HEATR3: variants seen among roughly 807,000 people sequenced by gnomAD.
HEATR3 encodes the protein HEAT repeat-containing protein 3.
Under a neutral mutation model 72.8 loss-of-function variants are expected in HEATR3, and 56 were observed. That is an observed-to-expected ratio of 0.77 (90% CI 0.62 to 0.96). The LOEUF is 0.96. HEATR3 is among the 40% of genes least tolerant of loss of function. The pLI is 0.00. For synonymous variants in HEATR3, 331 were observed against 318.1 expected (o/e 1.04, Z -0.43); for missense variants, 747 against 831.4 (o/e 0.90, Z 1.25).
At chr16:50,095,677 G>A (rs764336036) in intron 12 of HEATR3, among the ~76,000 whole-genome samples, 10 of 151,942 alleles carry the variant, frequency 6.6e-5, no homozygotes, top group Non-Finnish European at 1.3e-4. Context: ...ACAGGTGTGC[G>A]CTACCATGTC....
intron 7 of HEATR3, among the ~76,000 whole-genome samples, chr16:50,081,511 G>A (rs1352733141): frequency 6.6e-6 from 1 of 152,226 alleles, no homozygotes; most frequent in East Asian, 1.9e-4. Context: ...GGGCGGTGGT[G>A]GGGCGGGGGG....
In HEATR3 at chr16:50,106,681, T is replaced by A. The variant is rs1182917036; in HGVS notation, c.*1620T>A. 1.3e-5 allele frequency: 2 copies of A among 152,178 alleles called. No individual in the cohort carries two copies. The highest frequency in any genetic ancestry group is 1.3e-4 in the Admixed American group (2 of 15,262). 9.4% of individuals were successfully genotyped at this position (152,178 alleles called of 1,614,324 possible). A position where few individuals can be genotyped will look rare whatever the true frequency, so the allele number is the denominator to read the frequency against. ...ATGAGAAGGGAAATTTGAAAATTTC[T>A]GTACAGTTGATCTCAGTTGCCCTGA... On this transcript the variant is annotated 3_prime_UTR_variant, in exon 15 of 15. Coordinates refer to ENST00000299192, the MANE Select transcript of HEATR3 (RefSeq NM_182922.4).
chr16:50,097,767 T>C (rs2037275417), intron 12 of HEATR3, among the ~76,000 whole-genome samples: 1 of 152,004 alleles, frequency 6.6e-6, no homozygotes, highest in Non-Finnish European at 1.5e-5. Flanking sequence ...ATTCAAAAAT[T>C]AGCTGGGTGT....
At chr16:50,095,427 A>T (rs1327967003) in intron 12 of HEATR3, among the ~76,000 whole-genome samples, 14 of 125,014 alleles carry the variant, frequency 1.1e-4, no homozygotes, top group Non-Finnish European at 2.3e-4. Flanking sequence ...TTTTTTTTTT[A>T]ACATTTCATT....
At position 50,084,552 on chromosome 16, in the gene HEATR3, G is replaced by A; in HGVS notation, c.1291-17G>A. The A allele has an allele frequency of 1.3e-6, 2 of 1,574,552 alleles. No individual in the cohort carries two copies. The highest frequency in any genetic ancestry group is 1.7e-5 in the Admixed American group (1 of 59,184). ...ACTACTCTTTAACCTTTGCTTTACT[G>A]CCTCTTTTAAATCTAGATTTTTGAG... On this transcript the variant is annotated splice_polypyrimidine_tract_variant and intron_variant, in intron 9 of 14. Transcript: ENST00000299192.
Position 50,102,298 on chromosome 16 carries a change from C to G in HEATR3, c.1783C>G (p.Pro595Ala), listed in dbSNP as rs374066132. ...CFLLEVTTKD[P>A]SLVVAGEALD... ...TCTGCTTGAAGTTACCACCAAAGATCCTTCCCTTGTGGTAGCAGGAGAAGC... is the reference window on the plus strand; with the variant it reads ...TCTGCTTGAAGTTACCACCAAAGATGCTTCCCTTGTGGTAGCAGGAGAAGC... The change falls in exon 14 of 15, where the codon CCT (proline) becomes GCT (alanine). Residue 595 changes from proline (P) to alanine (A), a missense_variant. Pro to Ala is a conservative substitution (Grantham distance 27). This residue lies in a region of HEATR3 where 586 missense variants were observed against 708.8 expected (regional missense o/e 0.83). Transcript: ENST00000299192. 1 of 1,614,010 alleles carries G rather than the reference C, an allele frequency of 6.2e-7. No individual in the cohort carries two copies. The highest frequency in any genetic ancestry group is 1.1e-5 in the South Asian group (1 of 91,060).
intron 5 of HEATR3, chr16:50,073,488 A>G (rs548679275): frequency 6.6e-6 from 1 of 152,328 alleles, no homozygotes; most frequent in Admixed American, 6.5e-5. Flanking sequence ...ACTCTAATGG[A>G]TATTTTTAAG....
chr16:50,072,982 AGCCTTTATT>A, intron 5 of HEATR3: 1 of 340,816 alleles, frequency 2.9e-6, no homozygotes, highest in East Asian at 6.9e-5. Context: ...CATTCTTAGC[AGCCTTTATT>A]AATTCTTGAA....
At chr16:50,088,371 C>A (rs919237754) in intron 11 of HEATR3, among the ~76,000 whole-genome samples, 16 of 152,150 alleles carry the variant, frequency 1.1e-4, no homozygotes, top group Non-Finnish European at 1.6e-4. Flanking sequence ...CAACATTGAT[C>A]AGTTAACAGG....
Position 50,105,640 on chromosome 16 carries a change from A to T in HEATR3, c.*579A>T, listed in dbSNP as rs1216065712. The T allele has an allele frequency of 6.6e-6, 1 of 151,984 alleles. No individual in the cohort carries two copies. Among genetic ancestry groups the T allele is most frequent in the East Asian group, 1.9e-4 (1 of 5,158 alleles). 9.4% of individuals were successfully genotyped at this position (151,984 alleles called of 1,614,324 possible). On this transcript the variant is annotated 3_prime_UTR_variant, in exon 15 of 15. Transcript: ENST00000299192. Reference sequence around the variant, plus strand: ...ATCTTGGCTTACTGCAACCTCTGCCATTCCAGGTTCAAGCGATTCTCATGC... The same window carrying T: ...ATCTTGGCTTACTGCAACCTCTGCCTTTCCAGGTTCAAGCGATTCTCATGC...
At chr16:50,079,203 A>T (rs1220323023) in intron 7 of HEATR3, among the ~76,000 whole-genome samples, 185 bp downstream of exon 7, 1 of 152,172 alleles carries the variant, frequency 6.6e-6, no homozygotes, top group African/African-American at 2.4e-5. Flanking sequence ...GGGGGAAAAA[A>T]ATCTCTTGTC....
chr16:50,087,987 C>T (rs1354154623), intron 11 of HEATR3, among the ~76,000 whole-genome samples: 3 of 151,978 alleles, frequency 2.0e-5, no homozygotes, highest in Non-Finnish European at 4.4e-5. Context: ...ATTAGCCAGG[C>T]GTGGTGGCAG....
rs992262203 is a variant in HEATR3 at position 50,106,613 on chromosome 16, G to A, written c.*1552G>A. Reference sequence around the variant, plus strand: ...GAGTTTCCCTGTGCATCATTGTCTCGGCTGGGCCTCTGAACCGGCTTCATT... The same window carrying A: ...GAGTTTCCCTGTGCATCATTGTCTCAGCTGGGCCTCTGAACCGGCTTCATT... On this transcript the variant is annotated 3_prime_UTR_variant, in exon 15 of 15. Coordinates refer to ENST00000299192, the MANE Select transcript of HEATR3 (RefSeq NM_182922.4). 5 of 152,052 alleles carry A rather than the reference G, an allele frequency of 3.3e-5. No homozygotes were observed. The East Asian group carries it at 9.6e-4, about 29-fold the overall frequency. 9.4% of individuals were successfully genotyped at this position (152,052 alleles called of 1,614,324 possible).
At chr16:50,095,153 G>A (rs1224672838) in intron 12 of HEATR3, among the ~76,000 whole-genome samples, 9 of 149,208 alleles carry the variant, frequency 6.0e-5, no homozygotes, top group Admixed American at 2.0e-4. Context: ...TTCCTCTGTC[G>A]CCCAGGCTGG....
chr16:50,075,313 C>CA (rs60094512), intron 5 of HEATR3, among the ~76,000 whole-genome samples: 81,626 of 120,980 alleles, frequency 0.67, 26,789 homozygotes, highest in South Asian at 0.72. Context: ...AAGACTGTCT[C>CA]AAAAAAAAAA....
intron 10 of HEATR3, among the ~76,000 whole-genome samples, chr16:50,085,897 C>T (rs909163049): frequency 4.0e-5 from 6 of 151,860 alleles, no homozygotes; most frequent in African/African-American, 1.2e-4. Context: ...GGTGTGGTTG[C>T]ATGCACATGT....
chr16:50,083,198 A>G (rs540019746), intron 7 of HEATR3, among the ~76,000 whole-genome samples: 16 of 152,344 alleles, frequency 1.1e-4, no homozygotes, highest in African/African-American at 3.8e-4. Flanking sequence ...TAAAATATAC[A>G]TTATTTTTAG....
At chr16:50,091,276 A>C (rs2037103407) in intron 11 of HEATR3, among the ~76,000 whole-genome samples, 1 of 151,994 alleles carries the variant, frequency 6.6e-6, no homozygotes, top group Non-Finnish European at 1.5e-5. Flanking sequence ...AGACCAGCCT[A>C]GCAAACATGG....
In HEATR3 at chr16:50,078,808, A is replaced by G. The variant is rs951890616; in HGVS notation, c.831A>G (p.Leu277=). ...KSQAEIINAL[L]KILSEVLGMD... is the part of the protein sequence containing the mutation. ...AAGCAGAAATCATAAATGCCTTACT[A>G]AAGATCTTATCTGAAGTTTTGGGAA... is the stretch of plus-strand genomic sequence containing the variant. The change falls in exon 7 of 15, where the codon CTA becomes CTG. Residue 277 remains leucine (L), a synonymous_variant. Coordinates refer to ENST00000299192, the MANE Select transcript of HEATR3 (RefSeq NM_182922.4). 2.5e-6 allele frequency: 4 copies of G among 1,613,872 alleles called. No individual in the cohort carries two copies. In the African/African-American group the frequency reaches 5.3e-5, roughly 22 times the overall value.
Sources: allele counts gnomAD v4.1 joint callset (sites outside exome capture counted in the v4.1 genomes callset), GRCh38; gene constraint gnomAD v4.1.1; regional missense constraint gnomAD v4.1.1; transcripts MANE v1.5; gene names NCBI Gene and HGNC (gene_info 2026-07-23, HGNC 2026-07-21).